The following NLRP12 variants were observed in gnomAD, a reference collection of about 807,000 sequenced individuals.
NLRP12 encodes the protein NACHT, LRR and PYD domains-containing protein 12.
A neutral mutation model predicts 91.2 loss-of-function variants in NLRP12; 108 were observed. The observed-to-expected ratio is 1.18, with a 90% CI of 1.01 to 1.39. The LOEUF (loss-of-function observed/expected upper bound fraction) is 1.39, where lower values mean the gene tolerates loss of function less well. Ranked by LOEUF, NLRP12 falls within the 40% of genes most tolerant of loss-of-function variation. The pLI is 0.00. For missense variants in NLRP12, 1,530 were observed against 1,352.7 expected (o/e 1.13, Z -2.06); for synonymous variants, 613 against 566.7 (o/e 1.08, Z -1.16).
intron 1 of NLRP12, among the ~76,000 whole-genome samples, chr19:53,817,479 T>A (rs982865349): frequency 2.0e-5 from 3 of 151,686 alleles, no homozygotes; most frequent in Non-Finnish European, 2.9e-5. Context: ...CTCATGCCTG[T>A]AATCCCTGCA....
intron 1 of NLRP12, among the ~76,000 whole-genome samples, chr19:53,817,943 C>T (rs914748496): frequency 4.0e-5 from 6 of 150,826 alleles, no homozygotes; most frequent in African/African-American, 7.3e-5. Context: ...CAACCACGAC[C>T]AGCTAATTTT....
chr19:53,809,640 G>T lies in NLRP12; in HGVS notation c.2019C>A (p.Asp673Glu). The T allele has an allele frequency of 6.2e-7, 1 of 1,612,714 alleles. No homozygotes were observed. Among genetic ancestry groups the T allele is most frequent in the East Asian group, 2.2e-5 (1 of 44,810 alleles). ...LHLYGATYSA[D>E]GEDRARCSAG... The stretch of plus-strand genomic sequence containing the variant: ...CGGAGCACCTCGCGCGGTCTTCCCC[G>T]TCCGCGCTGTAGGTGGCGCCATACA... Residue 673 changes from aspartate to glutamate, a missense_variant, in exon 3 of 10, where the codon GAC becomes GAA. Transcript: ENST00000324134.
At chr19:53,821,167 C>T (rs2092260568) in intron 1 of NLRP12, among the ~76,000 whole-genome samples, 1 of 150,656 alleles carries the variant, frequency 6.6e-6, no homozygotes, top group Admixed American at 6.7e-5. Context: ...TCTAGATTAG[C>T]AGGGATTACT....
intron 1 of NLRP12, among the ~76,000 whole-genome samples, chr19:53,819,518 T>TATGTATACGTATATACATGC (rs2092223908): frequency 2.9e-5 from 3 of 102,896 alleles, no homozygotes; most frequent in East Asian, 2.5e-4. Flanking sequence ...TATACATATG[T>TATGTATACGTATATACATGC]GTATATATGT....
At position 53,809,939 on chromosome 19, in the gene NLRP12, G is replaced by A. The variant is rs149697517; in HGVS notation, c.1720C>T (p.His574Tyr). ...FGLLNEETRS[H>Y]LEKSLCWKVS... is the part of the protein sequence containing the mutation. ...TTCCAGCAGAGACTCTTCTCCAGGT[G>A]GCTCCTGGTCTCCTCGTTCAGGAGT... is the stretch of plus-strand genomic sequence containing the variant. The change falls in exon 3 of 10, where the codon CAC becomes TAC. Residue 574 changes from histidine to tyrosine, a missense_variant. Transcript: ENST00000324134. The A allele has an allele frequency of 6.2e-7, 1 of 1,614,092 alleles. No homozygotes were observed. Among genetic ancestry groups the A allele is most frequent in the South Asian group, 1.1e-5 (1 of 91,082 alleles).
chr19:53,809,751 G>T lies in NLRP12; in HGVS notation c.1908C>A (p.Ile636=), dbSNP rs1454297839. Residue 636 remains isoleucine, a synonymous_variant, in exon 3 of 10, where the codon ATC becomes ATA. Transcript: ENST00000324134. The part of the protein sequence containing the change: ...IQQALSHFQV[I]VVSNIASKME... ...TCTTGGAGGCAATGTTGCTGACCAC[G>T]ATCACCTGGAAGTGGCTCAGGGCCT... 2.5e-6 allele frequency: 4 copies of T among 1,614,128 alleles called. No individual in the cohort carries two copies. Among genetic ancestry groups the T allele is most frequent in the Admixed American group, 1.7e-5 (1 of 59,992 alleles).
chr19:53,810,209 G>C lies in NLRP12; in HGVS notation c.1450C>G (p.His484Asp). 1 of 1,614,200 alleles carries C rather than the reference G, an allele frequency of 6.2e-7. No homozygotes were observed. The highest frequency in any genetic ancestry group is 1.1e-5 in the South Asian group (1 of 91,086). The change falls in exon 3 of 10, where the codon CAC (histidine) becomes GAC (aspartate). Residue 484 changes from histidine (H) to aspartate (D), a missense_variant. By Grantham distance (81) the His-to-Asp change is moderately conservative (BLOSUM62 -1). Coordinates refer to ENST00000324134, the MANE Select transcript of NLRP12 (RefSeq NM_144687.4). ...ILFEEQDLRK[H>D]GLDGEDVSAF... is the part of the protein sequence containing the mutation. ...GAGACGTCTTCCCCGTCTAGGCCGT[G>C]CTTCCGGAGGTCCTGCTCCTCAAAT...
Position 53,823,895 on chromosome 19 carries a change from G to T in NLRP12, c.280C>A (p.Leu94Met), listed in dbSNP as rs764551921. Residue 94 changes from leucine (L) to methionine (M), a missense_variant, in exon 1 of 10, where the codon CTG becomes ATG. By Grantham distance (15) the Leu-to-Met change is conservative. Transcript: ENST00000324134. ...DLWERGQRED[L>M]VRDTPPGGPS... ...CCCGCCACCTCCTTACCCCTCACCA[G>T]GTCCTCTCTCTGTCCTCTCTCCCAC... The T allele has an allele frequency of 6.2e-7, 1 of 1,613,872 alleles. No homozygotes were observed. Among genetic ancestry groups the T allele is most frequent in the South Asian group, 1.1e-5 (1 of 91,068 alleles).
At chr19:53,821,397 G>A (rs946914423) in intron 1 of NLRP12, among the ~76,000 whole-genome samples, 1 of 151,894 alleles carries the variant, frequency 6.6e-6, no homozygotes, top group African/African-American at 2.4e-5. Context: ...GGCTGGGCAC[G>A]GTGGCTCACA....
In NLRP12 at chr19:53,805,176, C is replaced by A. The variant is rs1399964498; in HGVS notation, c.2414+104G>T. 3.2e-6 allele frequency: 4 copies of A among 1,257,420 alleles called. No homozygotes were observed. The African/African-American group carries it at 5.9e-5, about 18-fold the overall frequency. 77.9% of individuals were successfully genotyped at this position (1,257,420 alleles called of 1,614,324 possible). On this transcript the variant is annotated intron_variant, in intron 5 of 9. Transcript: ENST00000324134. ...CTTAGGTCATGGGGTTAAGGGCCAGCCCTGATTTAAAGGTGGAGATTTGGG... is the reference window on the plus strand; with the variant it reads ...CTTAGGTCATGGGGTTAAGGGCCAGACCTGATTTAAAGGTGGAGATTTGGG...
chr19:53,823,870 C>T lies in NLRP12; in HGVS notation c.289+16G>A, dbSNP rs772114807. The T allele has an allele frequency of 1.2e-6, 2 of 1,613,618 alleles. No homozygotes were observed. Among genetic ancestry groups the T allele is most frequent in the South Asian group, 2.2e-5 (2 of 91,050 alleles). On this transcript the variant is annotated intron_variant, in intron 1 of 9. Coordinates refer to ENST00000324134, the MANE Select transcript of NLRP12 (RefSeq NM_144687.4). ...CGGCTGGCATTCTAGCCTTGCCTGT[C>T]CCGCCACCTCCTTACCCCTCACCAG...
intron 2 of NLRP12, among the ~76,000 whole-genome samples, chr19:53,813,468 AT>A: frequency 6.6e-6 from 1 of 150,652 alleles, no homozygotes; most frequent in East Asian, 2.0e-4. Flanking sequence ...CGCCTGGCTA[AT>A]TTTTTTGTAT....
intron 3 of NLRP12, 46 bp downstream of exon 3, chr19:53,809,541 A>AAC: frequency 1.4e-6 from 2 of 1,425,764 alleles, no homozygotes; most frequent in Non-Finnish European, 1.9e-6. Context: ...AAAAAAAAAA[A>AAC]CACACGAACC....
rs145421393 is a variant in NLRP12, at chr19:53,810,855, G to A, written c.804C>T (p.Ile268=). ...CGCTGGGCTCAGGCCAGCAGCTGAA[G>A]ATGAGGTCTTGCATGCTGCATTCCG... ...SATECSMQDL[I]FSCWPEPSAP... Residue 268 remains isoleucine (I), a synonymous_variant, in exon 3 of 10, where the codon ATC becomes ATT. Transcript: ENST00000324134. 15 of 1,613,946 alleles carry A rather than the reference G, an allele frequency of 9.3e-6. No homozygotes were observed. In the African/African-American group the frequency reaches 1.7e-4, roughly 19 times the overall value.
At chr19:53,801,127 A>C in intron 7 of NLRP12, 100 bp downstream of exon 7, 1 of 1,005,006 alleles carries the variant, frequency 1.0e-6, no homozygotes, top group Non-Finnish European at 1.5e-6. Flanking sequence ...TGTAGTAGCT[A>C]GAGTTTAGGA....
chr19:53,817,789 A>C (rs759616735), intron 1 of NLRP12, among the ~76,000 whole-genome samples: 15 of 151,688 alleles, frequency 9.9e-5, no homozygotes, highest in Non-Finnish European at 1.9e-4. Flanking sequence ...TTTTAGCACT[A>C]TTTATTTATT....
intron 2 of NLRP12, among the ~76,000 whole-genome samples, chr19:53,812,881 CTTTTTTT>C (rs35896834): frequency 8.0e-6 from 1 of 125,544 alleles, no homozygotes; most frequent in Non-Finnish European, 1.7e-5. Flanking sequence ...ATCAATATCT[CTTTTTTT>C]TTTTTTTTTT....
In NLRP12 at chr19:53,811,331, G is replaced by A. The variant is rs6509827; in HGVS notation, c.371-43C>T. ...AGGTTTTGTGGAAGACTCATCAGCAGCCTCTAATGAGTTCACGAGGTAAAG... is the reference window on the plus strand; with the variant it reads ...AGGTTTTGTGGAAGACTCATCAGCAACCTCTAATGAGTTCACGAGGTAAAG... On this transcript the variant is annotated intron_variant, in intron 2 of 9. Transcript: ENST00000324134. 1,592,264 of 1,610,928 alleles carry A rather than the reference G, an allele frequency of 0.99. 787,737 individuals are homozygous for A. Among genetic ancestry groups the A allele is most frequent in the Non-Finnish European group, 1 (1,178,098 of 1,178,616 alleles).
At chr19:53,797,286 C>T (rs917698155) in intron 8 of NLRP12, among the ~76,000 whole-genome samples, 1 of 152,134 alleles carries the variant, frequency 6.6e-6, no homozygotes, top group South Asian at 2.1e-4. Flanking sequence ...CACCCACCAC[C>T]ACGCCAGGCT....
Sources: gnomAD v4.1 joint callset for allele counts (sites outside exome capture counted in the v4.1 genomes callset) on GRCh38, gnomAD v4.1.1 for gene constraint, MANE v1.5 for transcripts, NCBI Gene and HGNC (gene_info 2026-07-23, HGNC 2026-07-21) for gene names.